GAK: variants seen among roughly 807,000 people sequenced by gnomAD.
GAK encodes the protein cyclin-G-associated kinase.
In GAK, 79 loss-of-function variants were observed where a neutral mutation model predicts 143.9. That is an observed-to-expected ratio of 0.55 (90% CI 0.46 to 0.66). The LOEUF (loss-of-function observed/expected upper bound fraction) is 0.66. Among genes scored for constraint, GAK ranks in the 30% least tolerant of loss-of-function variants. The pLI, the probability that GAK is intolerant of heterozygous loss-of-function variation, is 0.00. For missense variants in GAK, 1,693 were observed against 1,779.7 expected (o/e 0.95, Z 0.88); for synonymous variants, 881 against 765.5 (o/e 1.15, Z -2.49).
chr4:879,849 TTCTC>T (rs1375583481), intron 15 of GAK, among the ~76,000 whole-genome samples: 1 of 152,224 alleles, frequency 6.6e-6, no homozygotes, highest in Non-Finnish European at 1.5e-5. Context: ...ACCCCACGCT[TTCTC>T]TCTGTGATTC....
rs1255574220 is a variant in GAK at position 893,918 on chromosome 4, A to G, written c.833T>C (p.Ile278Thr). 2 of 1,612,130 alleles carry G rather than the reference A, an allele frequency of 1.2e-6. No individual in the cohort carries two copies. Among genetic ancestry groups the G allele is most frequent in the Admixed American group, 3.3e-5 (2 of 59,880 alleles). ...CGTGTACTGCGTGTCGTGCGGGGGGATCGAGTACTTCCCATTGACTATTCG... is the reference window on the plus strand; with the variant it reads ...CGTGTACTGCGTGTCGTGCGGGGGGGTCGAGTACTTCCCATTGACTATTCG... ...KLRIVNGKYS[I>T]PPHDTQYTVF... The change falls in exon 8 of 28, where the codon ATC becomes ACC. Residue 278 changes from isoleucine to threonine, a missense_variant. Physicochemically the swap from Ile to Thr is moderately conservative, Grantham distance 89. Around this residue, in one of 2 missense-constraint regions of GAK, gnomAD observed 871 missense variants for 991.0 expected, o/e 0.88. Transcript: ENST00000314167.
chr4:867,394 A>G lies in GAK; in HGVS notation c.2434T>C (p.Ser812Pro), dbSNP rs1560308447. 1 of 1,550,914 alleles carries G rather than the reference A, an allele frequency of 6.4e-7. No homozygotes were observed. The highest frequency in any genetic ancestry group is 8.7e-7 in the Non-Finnish European group (1 of 1,144,010). ...ATCAGGGCAGACTCGCTCTCCTTGG[A>G]AGAGGCATTTTCTGCACCAGTCTCT... ...EAETGAENAS[S>P]KESESALMED... Residue 812 changes from serine to proline, a missense_variant, in exon 21 of 28, where the codon TCC becomes CCC. By Grantham distance (74) the Ser-to-Pro change is moderately conservative (BLOSUM62 -1). Coordinates refer to ENST00000314167, the MANE Select transcript of GAK (RefSeq NM_005255.4).
chr4:910,973 C>T (rs1054611698), intron 4 of GAK, among the ~76,000 whole-genome samples: 3 of 152,144 alleles, frequency 2.0e-5, no homozygotes, highest in Admixed American at 2.0e-4. Flanking sequence ...GGCCAGGTCT[C>T]CGGCCAGTCA....
At chr4:882,281 G>A (rs1715296088) in intron 14 of GAK, among the ~76,000 whole-genome samples, 1 of 152,234 alleles carries the variant, frequency 6.6e-6, no homozygotes, top group Admixed American at 6.5e-5. Context: ...CTCTGCTGGT[G>A]CCCCGTACCC....
Position 932,169 on chromosome 4 carries a change from C to A in GAK, c.19G>T (p.Ala7Ser), listed in dbSNP as rs751258181. MSLLQSALDFLAGPGSL... is the reference protein window; with the variant it reads MSLLQSSLDFLAGPGSL... The stretch of plus-strand genomic sequence containing the variant: ...CCTGGACCCGCCAAGAAGTCGAGCG[C>A]CGACTGCAGCAGCGACATGGCGGTG... Residue 7 changes from alanine to serine, a missense_variant, in exon 1 of 28, where the codon GCG becomes TCG. Transcript: ENST00000314167. This position sits in a 1 kb window ranked among gnomAD's most constrained non-coding sequence, Gnocchi z 4.0. 6.4e-7 allele frequency: 1 copy of A among 1,570,952 alleles called. No homozygotes were observed. The highest frequency in any genetic ancestry group is 1.2e-5 in the South Asian group (1 of 86,034).
intron 24 of GAK, among the ~76,000 whole-genome samples, chr4:857,475 T>A (rs1354538669): frequency 6.6e-6 from 1 of 152,332 alleles, no homozygotes; most frequent in African/African-American, 2.4e-5. Flanking sequence ...ATTATGAATT[T>A]ATTTTCTTTG....
chr4:895,700 G>A (rs1329306277), intron 7 of GAK, among the ~76,000 whole-genome samples: 2 of 152,236 alleles, frequency 1.3e-5, no homozygotes, highest in Admixed American at 6.5e-5. Context: ...CACCCTCCAC[G>A]CGTGGTCACC....
chr4:926,504 G>C (rs575916686), intron 1 of GAK, among the ~76,000 whole-genome samples: 1 of 152,206 alleles, frequency 6.6e-6, no homozygotes, highest in South Asian at 2.1e-4. Context: ...TCTCTTCTGC[G>C]AGATGGAAGT....
chr4:869,176 CAG>C (rs1711780366), intron 19 of GAK: 1 of 181,136 alleles, frequency 5.5e-6, no homozygotes, highest in Non-Finnish European at 1.2e-5. Flanking sequence ...ACAGCACACA[CAG>C]ATGCACAGTA....
chr4:884,374 G>A (rs1055497498), intron 11 of GAK: 35 of 430,988 alleles, frequency 8.1e-5, no homozygotes, highest in South Asian at 5.8e-4. Context: ...CTTCCCCTGC[G>A]CTCTCCAGGG....
rs904036098 is a variant in GAK at position 851,683 on chromosome 4, G to A, written c.3508+67C>T. ...CTCTGAGATGAAGAAAACAACATAGGTTCTACCTTTAGCCAATTCAGGGAG... is the reference window on the plus strand; with the variant it reads ...CTCTGAGATGAAGAAAACAACATAGATTCTACCTTTAGCCAATTCAGGGAG... On this transcript the variant is annotated intron_variant, in intron 25 of 27. Coordinates refer to ENST00000314167, the MANE Select transcript of GAK (RefSeq NM_005255.4). 3 of 1,500,970 alleles carry A rather than the reference G, an allele frequency of 2.0e-6. No individual in the cohort carries two copies. The Admixed American group carries it at 5.0e-5, about 25-fold the overall frequency. 93.0% of individuals were successfully genotyped at this position (1,500,970 alleles called of 1,614,324 possible). A position where few individuals can be genotyped will look rare whatever the true frequency, so the allele number is the denominator to read the frequency against.
In GAK at chr4:862,350, C is replaced by T. The variant is rs910837486; in HGVS notation, c.3167-2628G>A. 4.6e-5 allele frequency among the ~76,000 whole-genome samples: 7 copies of T among 152,214 alleles called. No homozygotes were observed. The South Asian group carries it at 6.2e-4, about 14-fold the overall frequency. On this transcript the variant is annotated intron_variant, in intron 23 of 27. Coordinates refer to ENST00000314167, the MANE Select transcript of GAK (RefSeq NM_005255.4). ...CCAGACTCTCCATGCAGATATAAGA[C>T]GGCCTAAGTCATCTGCTAAGATCCG...
Position 866,940 on chromosome 4 carries a change from G to T in GAK, c.2872+16C>A. 6.8e-7 allele frequency: 1 copy of T among 1,469,280 alleles called. No individual in the cohort carries two copies. Among genetic ancestry groups the T allele is most frequent in the East Asian group, 2.4e-5 (1 of 42,072 alleles). 91.0% of individuals were successfully genotyped at this position (1,469,280 alleles called of 1,614,324 possible). On this transcript the variant is annotated intron_variant, in intron 21 of 27. Transcript: ENST00000314167. ...TCTACTGTGAAGCCACTCGCCTTCAGAACAGAAACACGTACCAGCGGCAGG... is the reference window on the plus strand; with the variant it reads ...TCTACTGTGAAGCCACTCGCCTTCATAACAGAAACACGTACCAGCGGCAGG...
At chr4:889,283 A>G (rs1379351484) in intron 10 of GAK, among the ~76,000 whole-genome samples, 2 of 152,240 alleles carry the variant, frequency 1.3e-5, no homozygotes, top group Non-Finnish European at 2.9e-5. Flanking sequence ...TGGCCGCCTC[A>G]GCACAGCTGG....
At chr4:901,379 C>G (rs1719846567) in intron 5 of GAK, among the ~76,000 whole-genome samples, 1 of 150,956 alleles carries the variant, frequency 6.6e-6, no homozygotes, top group African/African-American at 2.5e-5. Context: ...GGGCCTCCCA[C>G]CCGGGGCACA....
intron 5 of GAK, among the ~76,000 whole-genome samples, chr4:903,567 GGGCC>G (rs1156473137): frequency 8.7e-5 from 13 of 149,810 alleles, no homozygotes; most frequent in East Asian, 1.9e-4. Context: ...TTGGGGGCCT[GGGCC>G]AACACCACTG....
intron 24 of GAK, among the ~76,000 whole-genome samples, chr4:854,735 T>G (rs946462541): frequency 2.6e-5 from 4 of 152,222 alleles, no homozygotes; most frequent in Non-Finnish European, 5.9e-5. Flanking sequence ...TCCCATTTCA[T>G]TTTTCCATTA....
At chr4:897,636 T>G (rs1002570577) in intron 6 of GAK, among the ~76,000 whole-genome samples, 2 of 152,314 alleles carry the variant, frequency 1.3e-5, no homozygotes, top group Middle Eastern at 3.4e-3. Flanking sequence ...CCACTTCCTG[T>G]TACCTTCAAC....
Position 898,077 on chromosome 4 carries a change from C to G in GAK, c.607G>C (p.Asp203His). ...CGCCTCTGGGCGCTCCAGCTGTAGT[C>G]AGGGTAGTGCGAGATGGTCGTGGCA... ...GSATTISHYP[D>H]YSWSAQRRAL... The change falls in exon 6 of 28, where the codon GAC becomes CAC. Residue 203 changes from aspartate (D) to histidine (H), a missense_variant. Physicochemically the swap from Asp to His is moderately conservative, Grantham distance 81. Around this residue, in one of 2 missense-constraint regions of GAK, gnomAD observed 871 missense variants for 991.0 expected, o/e 0.88. Coordinates refer to ENST00000314167, the MANE Select transcript of GAK (RefSeq NM_005255.4). 1 of 1,614,124 alleles carries G rather than the reference C, an allele frequency of 6.2e-7. No individual in the cohort carries two copies. The highest frequency in any genetic ancestry group is 8.5e-7 in the Non-Finnish European group (1 of 1,179,994).
Sources: gnomAD v4.1 joint callset for allele counts (sites outside exome capture counted in the v4.1 genomes callset) on GRCh38, gnomAD v4.1.1 for gene constraint, gnomAD v4.1.1 regional missense constraint, Gnocchi (gnomAD v3.1) non-coding constraint, MANE v1.5 for transcripts, NCBI Gene and HGNC (gene_info 2026-07-23, HGNC 2026-07-21) for gene names.